EXOC4: variants seen among roughly 807,000 people sequenced by gnomAD.
The protein encoded by EXOC4 is SEC8-like 1.
A neutral mutation model predicts 107.2 loss-of-function variants in EXOC4; 71 were observed. The ratio of observed to expected loss-of-function variants is 0.66; its 90% confidence interval spans 0.55 to 0.81. EXOC4 has a LOEUF of 0.81. Ranked by LOEUF, EXOC4 falls within the 30% of genes least tolerant of loss-of-function variation. The probability of loss-of-function intolerance (pLI) is 0.00; values close to 1 mark genes in which losing one functional copy is unlikely to be tolerated. For synonymous variants in EXOC4, 456 were observed against 441.2 expected (o/e 1.03, Z -0.42); for missense variants, 1,108 against 1,189.6 (o/e 0.93, Z 1.01).
At chr7:133,787,845 A>C (rs1463688845) in intron 10 of EXOC4, among the ~76,000 whole-genome samples, 1 of 150,232 alleles carries the variant, frequency 6.7e-6, no homozygotes, top group Non-Finnish European at 1.5e-5. Context: ...CAACATACGA[A>C]TTTGTGAGGA....
chr7:133,622,062 A>G (rs1182492288), intron 9 of EXOC4, among the ~76,000 whole-genome samples: 1 of 151,916 alleles, frequency 6.6e-6, no homozygotes, highest in Non-Finnish European at 1.5e-5. Context: ...GCAACCTTGC[A>G]CTCCTGGACT....
chr7:133,394,444 C>A (rs1796925743), intron 7 of EXOC4, among the ~76,000 whole-genome samples: 1 of 152,086 alleles, frequency 6.6e-6, no homozygotes, highest in Admixed American at 6.6e-5. Flanking sequence ...TCCTTAGAAT[C>A]ATCAGAGCTT....
chr7:133,560,741 A>C (rs1300000197), intron 9 of EXOC4, among the ~76,000 whole-genome samples: 1 of 152,224 alleles, frequency 6.6e-6, no homozygotes, highest in Admixed American at 6.5e-5. Context: ...ATAATTTAGA[A>C]AGCAAAGATG....
In EXOC4 at chr7:133,498,043, A is replaced by G. The variant is rs1191325445; in HGVS notation, c.1417+17905A>G. Among the ~76,000 whole-genome samples, 3 of 152,244 alleles carry G rather than the reference A, an allele frequency of 2.0e-5. No individual in the cohort carries two copies. In the East Asian group the frequency reaches 5.8e-4, roughly 29 times the overall value. ...CCTGAGGAAAGCAGCACAGATTATC[A>G]TGTTACCTTTCTGGGCTGTCTCATG... On this transcript the variant is annotated intron_variant, in intron 9 of 17. Coordinates refer to ENST00000253861, the MANE Select transcript of EXOC4 (RefSeq NM_021807.4).
chr7:133,818,144 GA>G (rs1370299883), intron 11 of EXOC4, among the ~76,000 whole-genome samples: 1 of 152,116 alleles, frequency 6.6e-6, no homozygotes, highest in African/African-American at 2.4e-5. Flanking sequence ...TAATAGGCTT[GA>G]GGCATATATT....
At chr7:133,587,355 G>C (rs185481264) in intron 9 of EXOC4, among the ~76,000 whole-genome samples, 12 of 152,296 alleles carry the variant, frequency 7.9e-5, no homozygotes, top group African/African-American at 2.4e-4. Context: ...CCTCTACCAG[G>C]CATTATTAAT....
At chr7:133,348,677 G>C (rs1439643564) in intron 5 of EXOC4, among the ~76,000 whole-genome samples, 2 of 152,160 alleles carry the variant, frequency 1.3e-5, no homozygotes, top group East Asian at 3.8e-4. Context: ...TAGTTGGCTT[G>C]TTGGCCGCTA....
chr7:133,612,264 T>C (rs1192178191), intron 9 of EXOC4, among the ~76,000 whole-genome samples: 1 of 152,214 alleles, frequency 6.6e-6, no homozygotes, highest in African/African-American at 2.4e-5. Context: ...CACAATCATA[T>C]CTTCATGGGC....
chr7:133,253,413 T>A (rs959785837), intron 1 of EXOC4: 43 of 1,307,482 alleles, frequency 3.3e-5, no homozygotes, highest in Non-Finnish European at 4.2e-5. Context: ...CAGTCTTTTC[T>A]TTAGGGGCAG....
chr7:133,347,003 A>G (rs1354998961), intron 5 of EXOC4, among the ~76,000 whole-genome samples: 1 of 152,148 alleles, frequency 6.6e-6, no homozygotes, highest in Non-Finnish European at 1.5e-5. Context: ...TATGGCATAT[A>G]TTACTGATCT....
chr7:133,673,831 T>A (rs113964864), intron 10 of EXOC4, among the ~76,000 whole-genome samples: 1 of 152,236 alleles, frequency 6.6e-6, no homozygotes, highest in Non-Finnish European at 1.5e-5. Context: ...TTTTTCTTGT[T>A]CCTTATATCT....
chr7:133,260,504 C>G (rs1430601916), intron 1 of EXOC4, among the ~76,000 whole-genome samples: 2 of 152,150 alleles, frequency 1.3e-5, no homozygotes, highest in African/African-American at 4.8e-5. Flanking sequence ...GAACTCCTGA[C>G]CTCAAGTGAC....
chr7:133,688,023 C>T (rs573697908), intron 10 of EXOC4, among the ~76,000 whole-genome samples: 1 of 152,196 alleles, frequency 6.6e-6, no homozygotes, highest in South Asian at 2.1e-4. Context: ...TCTATATTTG[C>T]CTTCAAGCTC....
chr7:133,653,434 T>G (rs1024112215), intron 10 of EXOC4, among the ~76,000 whole-genome samples: 1 of 152,250 alleles, frequency 6.6e-6, no homozygotes, highest in African/African-American at 2.4e-5. Context: ...TTTGTTAAAG[T>G]GTACAGGACC....
At chr7:133,835,479 T>C (rs1040793120) in intron 11 of EXOC4, among the ~76,000 whole-genome samples, 2 of 152,198 alleles carry the variant, frequency 1.3e-5, no homozygotes, top group African/African-American at 4.8e-5. Context: ...GGTTGCATTC[T>C]TTTGAGTTTC....
intron 9 of EXOC4, among the ~76,000 whole-genome samples, chr7:133,593,109 G>A (rs149425340): frequency 2.0e-5 from 3 of 152,332 alleles, no homozygotes; most frequent in African/African-American, 7.2e-5. Context: ...TTTGGTGTCA[G>A]TATTTCTTGT....
intron 11 of EXOC4, among the ~76,000 whole-genome samples, chr7:133,826,850 A>G (rs140152093): frequency 0.013 from 2,053 of 152,272 alleles, 58 homozygotes; most frequent in African/African-American, 0.047. Context: ...CAAGAAAAAA[A>G]TGTCCAGTGA....
chr7:133,774,779 G>A (rs1163925167), intron 10 of EXOC4, among the ~76,000 whole-genome samples: 1 of 152,066 alleles, frequency 6.6e-6, no homozygotes. Flanking sequence ...GCTGTATGAA[G>A]CTCATCTCTG....
chr7:133,673,641 T>A (rs989740153), intron 10 of EXOC4, among the ~76,000 whole-genome samples: 7 of 152,216 alleles, frequency 4.6e-5, no homozygotes, highest in African/African-American at 7.2e-5. Flanking sequence ...ATTCTGTATT[T>A]GATATACTGT....
Sources: gnomAD v4.1 joint callset for allele counts (sites outside exome capture counted in the v4.1 genomes callset) on GRCh38, gnomAD v4.1.1 for gene constraint, MANE v1.5 for transcripts, NCBI Gene and HGNC (gene_info 2026-07-23, HGNC 2026-07-21) for gene names.